ASTN1: variants seen among roughly 807,000 people sequenced by gnomAD.
ASTN1 encodes the protein astrotactin-1.
A neutral mutation model predicts 140.7 loss-of-function variants in ASTN1; 41 were observed. That is an observed-to-expected ratio of 0.29 (90% CI 0.23 to 0.38). The LOEUF (loss-of-function observed/expected upper bound fraction) is 0.38. Ranked by LOEUF, ASTN1 falls within the 10% of genes least tolerant of loss-of-function variation. ASTN1 has a pLI of 1.00. For synonymous variants in ASTN1, 640 were observed against 652.2 expected (o/e 0.98, Z 0.29); for missense variants, 1,479 against 1,678.8 (o/e 0.88, Z 2.08).
intron 16 of ASTN1, among the ~76,000 whole-genome samples, chr1:176,909,793 G>A (rs1670151729): frequency 6.6e-6 from 1 of 152,036 alleles, no homozygotes; most frequent in African/African-American, 2.4e-5. Context: ...ATCCCTCCTA[G>A]GTATCAGTAA....
intron 21 of ASTN1, among the ~76,000 whole-genome samples, chr1:176,870,542 CCAGA>C (rs1668296417): frequency 6.6e-6 from 1 of 152,154 alleles, no homozygotes; most frequent in Non-Finnish European, 1.5e-5. Flanking sequence ...TAGCACAAGG[CCAGA>C]CAATCTAGTA....
intron 2 of ASTN1, among the ~76,000 whole-genome samples, chr1:177,053,217 T>C (rs1344324631): frequency 2.6e-5 from 4 of 152,218 alleles, no homozygotes; most frequent in Non-Finnish European, 5.9e-5. Flanking sequence ...TAGTTGAAAG[T>C]AAATTGCTAG....
At chr1:177,025,223 C>T (rs16850644) in intron 5 of ASTN1, among the ~76,000 whole-genome samples, 1 of 152,068 alleles carries the variant, frequency 6.6e-6, no homozygotes, top group Admixed American at 6.5e-5. Context: ...ATGGGCAAGA[C>T]TCCTACCAAG....
At chr1:176,895,919 G>C (rs1669482667) in intron 16 of ASTN1, among the ~76,000 whole-genome samples, 1 of 152,148 alleles carries the variant, frequency 6.6e-6, no homozygotes, top group Non-Finnish European at 1.5e-5. Context: ...CTAAGCTTTT[G>C]GACATCCTGG....
At chr1:176,990,385 T>G (rs1674101888) in intron 8 of ASTN1, among the ~76,000 whole-genome samples, 2 of 151,888 alleles carry the variant, frequency 1.3e-5, no homozygotes, top group Non-Finnish European at 2.9e-5. Flanking sequence ...CATCTTCTAT[T>G]TTGGAAGAAG....
intron 15 of ASTN1, 130 bp from the exon 16 acceptor site, chr1:176,934,470 G>T: frequency 1.2e-6 from 1 of 861,478 alleles, no homozygotes; most frequent in Non-Finnish European, 1.7e-6. Context: ...CTAGCTAGAA[G>T]TGTCTGGTGA....
At chr1:176,877,424 C>A (rs1668611848) in intron 20 of ASTN1, among the ~76,000 whole-genome samples, 1 of 152,188 alleles carries the variant, frequency 6.6e-6, no homozygotes, top group Non-Finnish European at 1.5e-5. Context: ...TCACTCTGTT[C>A]CTCTGAGATA....
At chr1:176,899,398 A>C (rs1339242272) in intron 16 of ASTN1, among the ~76,000 whole-genome samples, 1 of 152,148 alleles carries the variant, frequency 6.6e-6, no homozygotes, top group Non-Finnish European at 1.5e-5. Flanking sequence ...ACAGGCCATG[A>C]GGTGAATTAG....
intron 1 of ASTN1, among the ~76,000 whole-genome samples, chr1:177,154,926 T>A (rs1257976044): frequency 6.6e-6 from 1 of 152,204 alleles, no homozygotes; most frequent in Non-Finnish European, 1.5e-5. Context: ...CATAGTATTT[T>A]TATTCATAAT....
intron 1 of ASTN1, among the ~76,000 whole-genome samples, chr1:177,068,570 T>G (rs1048673169): frequency 2.0e-5 from 3 of 151,926 alleles, no homozygotes; most frequent in African/African-American, 7.3e-5. Flanking sequence ...AGAATGGGAG[T>G]GTTGTAAGCT....
intron 1 of ASTN1, among the ~76,000 whole-genome samples, chr1:177,106,626 G>A (rs777355718): frequency 9.2e-5 from 14 of 152,080 alleles, no homozygotes; most frequent in Non-Finnish European, 1.8e-4. Flanking sequence ...GTTAACATAC[G>A]CAAAAATTTG....
At chr1:177,091,226 C>T (rs1282476884) in intron 1 of ASTN1, among the ~76,000 whole-genome samples, 1 of 152,186 alleles carries the variant, frequency 6.6e-6, no homozygotes, top group Non-Finnish European at 1.5e-5. Flanking sequence ...GTTAATTCCT[C>T]ATTGGAGTAA....
intron 1 of ASTN1, among the ~76,000 whole-genome samples, chr1:177,159,161 T>C (rs918903272): frequency 6.6e-6 from 1 of 152,036 alleles, no homozygotes; most frequent in African/African-American, 2.4e-5. Flanking sequence ...AAAAAAGCAG[T>C]TAAAATGTTG....
intron 8 of ASTN1, among the ~76,000 whole-genome samples, chr1:177,011,217 A>G (rs1675274416): frequency 6.6e-6 from 1 of 152,190 alleles, no homozygotes; most frequent in Non-Finnish European, 1.5e-5. Flanking sequence ...GTTATCTGGC[A>G]AGTAGAACAG....
intron 1 of ASTN1, among the ~76,000 whole-genome samples, chr1:177,079,217 A>G (rs560444619): frequency 2.0e-5 from 3 of 152,286 alleles, no homozygotes; most frequent in African/African-American, 2.4e-5. Context: ...TAAAACAAGG[A>G]AAGAGTGGAT....
At chr1:177,052,379 T>C (rs988715226) in intron 2 of ASTN1, among the ~76,000 whole-genome samples, 4 of 152,224 alleles carry the variant, frequency 2.6e-5, no homozygotes, top group African/African-American at 9.6e-5. Context: ...AAGTGGTTTA[T>C]AAGAATCATC....
At chr1:177,108,702 A>T (rs1680671595) in intron 1 of ASTN1, among the ~76,000 whole-genome samples, 1 of 152,108 alleles carries the variant, frequency 6.6e-6, no homozygotes, top group African/African-American at 2.4e-5. Flanking sequence ...GAAAAACTGA[A>T]AGAAGAAGTT....
At chr1:176,870,893 C>T (rs1571434909) in intron 21 of ASTN1, among the ~76,000 whole-genome samples, 2 of 152,298 alleles carry the variant, frequency 1.3e-5, no homozygotes, top group African/African-American at 4.8e-5. Flanking sequence ...CCAATCCTTA[C>T]ACTACCACTG....
At chr1:176,955,377 T>C (rs1672357760) in intron 11 of ASTN1, among the ~76,000 whole-genome samples, 1 of 151,962 alleles carries the variant, frequency 6.6e-6, no homozygotes, top group African/African-American at 2.4e-5. Context: ...CTCAGTGGAG[T>C]CACAAGTGTC....
Sources: gnomAD v4.1 joint callset for allele counts (sites outside exome capture counted in the v4.1 genomes callset) on GRCh38, gnomAD v4.1.1 for gene constraint, MANE v1.5 for transcripts, NCBI Gene and HGNC (gene_info 2026-07-23, HGNC 2026-07-21) for gene names.